Variants in KCNIP4 observed in about 807,000 individuals in gnomAD.
KCNIP4 encodes Kv channel-interacting protein 4.
In KCNIP4, 12 loss-of-function variants were observed where a neutral mutation model predicts 34.0. The ratio of observed to expected loss-of-function variants is 0.35; its 90% CI spans 0.23 to 0.57. The LOEUF (loss-of-function observed/expected upper bound fraction) is 0.57. KCNIP4 is among the 20% of genes least tolerant of loss of function. The probability of loss-of-function intolerance (pLI) is 0.83; values close to 1 mark genes in which losing one functional copy is unlikely to be tolerated. For missense variants in KCNIP4, 238 were observed against 311.7 expected, an observed-to-expected ratio of 0.76 and a Z score of 1.78; for synonymous variants, 124 against 102.2, an observed-to-expected ratio of 1.21 and a Z score of -1.29.
chr4:20,743,048 A>G (rs1052525031), intron 5 of KCNIP4, among the ~76,000 whole-genome samples: 1 of 151,890 alleles, frequency 6.6e-6, no homozygotes, highest in Non-Finnish European at 1.5e-5. Context: ...GGACCCTTAT[A>G]AGGGTGTGAA....
At chr4:21,376,366 G>A (rs930215992) in intron 1 of KCNIP4, among the ~76,000 whole-genome samples, 2 of 149,330 alleles carry the variant, frequency 1.3e-5, no homozygotes, top group South Asian at 2.2e-4. Context: ...ATCTGGATCC[G>A]AGATTTGGAT....
intron 1 of KCNIP4, among the ~76,000 whole-genome samples, chr4:20,978,848 AATTG>A (rs1292993455): frequency 6.6e-6 from 1 of 152,110 alleles, no homozygotes; most frequent in African/African-American, 2.4e-5. Context: ...AACTATCTTT[AATTG>A]ATCTCTATAT....
chr4:21,019,240 C>T (rs1033828494), intron 1 of KCNIP4, among the ~76,000 whole-genome samples: 10 of 152,264 alleles, frequency 6.6e-5, no homozygotes, highest in African/African-American at 2.2e-4. Context: ...AATGCAACCT[C>T]CACCTCCCTG....
intron 1 of KCNIP4, among the ~76,000 whole-genome samples, chr4:20,946,775 C>T (rs753786824): frequency 5.3e-5 from 8 of 152,146 alleles, no homozygotes; most frequent in East Asian, 3.9e-4. Flanking sequence ...TGAGTTAGTA[C>T]AGGATACCTA....
chr4:20,739,200 T>G (rs976762472), intron 5 of KCNIP4, among the ~76,000 whole-genome samples: 1 of 152,308 alleles, frequency 6.6e-6, no homozygotes, highest in East Asian at 1.9e-4. Context: ...TTCTGCAGAC[T>G]TAAACATCCC....
At chr4:21,510,542 C>T (rs1017658392) in intron 1 of KCNIP4, among the ~76,000 whole-genome samples, 4 of 151,656 alleles carry the variant, frequency 2.6e-5, no homozygotes, top group Non-Finnish European at 4.4e-5. Context: ...CCTTTTTGTT[C>T]TGATAACACA....
chr4:21,804,866 T>C (rs939621843), intron 1 of KCNIP4, among the ~76,000 whole-genome samples: 4 of 152,096 alleles, frequency 2.6e-5, no homozygotes, highest in African/African-American at 7.2e-5. Flanking sequence ...ACAAACAATA[T>C]ATTGAAACCT....
chr4:21,151,963 A>G (rs1752788719), intron 1 of KCNIP4, among the ~76,000 whole-genome samples: 1 of 152,170 alleles, frequency 6.6e-6, no homozygotes, highest in South Asian at 2.1e-4. Flanking sequence ...TAATATAAAA[A>G]CAAAATAGGC....
intron 1 of KCNIP4, chr4:21,697,694 G>C (rs1712493509): frequency 8.0e-7 from 1 of 1,244,268 alleles, no homozygotes; most frequent in Non-Finnish European, 1.0e-6. Context: ...AAGTTCTTCT[G>C]TGGCAACAGA....
chr4:21,113,809 G>A (rs139336701), intron 1 of KCNIP4, among the ~76,000 whole-genome samples: 11 of 152,218 alleles, frequency 7.2e-5, no homozygotes, highest in East Asian at 3.9e-4. Flanking sequence ...AACACAAGGC[G>A]TTTCTTGCTA....
At chr4:21,608,088 G>T (rs1476072392) in intron 1 of KCNIP4, among the ~76,000 whole-genome samples, 1 of 152,024 alleles carries the variant, frequency 6.6e-6, no homozygotes, top group Non-Finnish European at 1.5e-5. Context: ...TTATTGTTTT[G>T]TTTTTTCATG....
chr4:21,462,283 G>A (rs1729524937), intron 1 of KCNIP4, among the ~76,000 whole-genome samples: 1 of 152,112 alleles, frequency 6.6e-6, no homozygotes, highest in African/African-American at 2.4e-5. Flanking sequence ...GGTTTAATTG[G>A]ACTTACAGTT....
chr4:21,521,806 C>A (rs1735550754), intron 1 of KCNIP4, among the ~76,000 whole-genome samples: 1 of 152,046 alleles, frequency 6.6e-6, no homozygotes, highest in Admixed American at 6.6e-5. Flanking sequence ...GTAATTTCTA[C>A]CCATGCAATG....
chr4:20,811,133 G>A (rs1715697531), intron 3 of KCNIP4, among the ~76,000 whole-genome samples: 3 of 152,126 alleles, frequency 2.0e-5, no homozygotes, highest in African/African-American at 4.8e-5. Flanking sequence ...AGCCTAACTG[G>A]TCTAGTGATA....
At chr4:21,383,302 G>A (rs1008808686) in intron 1 of KCNIP4, among the ~76,000 whole-genome samples, 1 of 118,724 alleles carries the variant, frequency 8.4e-6, no homozygotes, top group Non-Finnish European at 1.9e-5. Context: ...CATTTAGCAA[G>A]TTATAAATCT....
At chr4:21,862,206 TTTGTTTCTC>T (rs1725117116) in intron 1 of KCNIP4, among the ~76,000 whole-genome samples, 3 of 152,216 alleles carry the variant, frequency 2.0e-5, no homozygotes, top group Non-Finnish European at 4.4e-5. Flanking sequence ...GCTGCTTTAC[TTTGTTTCTC>T]AGAAGGAGGT....
At position 21,738,092 on chromosome 4, in the gene KCNIP4, AAAATAAATAAATAAATAAAT is replaced by A. The variant is rs11444057; in HGVS notation, c.61+210459_61+210478del. 1.0e-3 allele frequency among the ~76,000 whole-genome samples: 144 copies of A among 142,272 alleles called. 1 individual carries two copies. The highest frequency in any genetic ancestry group is 3.2e-3 in the African/African-American group (119 of 37,334). The allele number at this position is 142,272 out of a possible 152,430, so 93.3% of individuals were successfully genotyped here. A position where few individuals can be genotyped will look rare whatever the true frequency, so the allele number is the denominator to read the frequency against. ...GGGCGACAGAGCGAGACTCCATCTCAAAATAAATAAATAAATAAATAAATAAATAAATAAATAAATAAATA... is the reference window on the plus strand; with the variant it reads ...GGGCGACAGAGCGAGACTCCATCTCAAAATAAATAAATAAATAAATAAATA... On this transcript the variant is annotated intron_variant, in intron 1 of 8. Coordinates refer to ENST00000382152, the MANE Select transcript of KCNIP4 (RefSeq NM_025221.6).
At chr4:21,319,679 T>G (rs1454113556) in intron 1 of KCNIP4, among the ~76,000 whole-genome samples, 1 of 152,152 alleles carries the variant, frequency 6.6e-6, no homozygotes, top group Non-Finnish European at 1.5e-5. Context: ...ATCCAGTATA[T>G]TCTCCTGGCC....
intron 1 of KCNIP4, among the ~76,000 whole-genome samples, chr4:21,263,063 T>C (rs1341404982): frequency 2.0e-5 from 3 of 152,184 alleles, no homozygotes; most frequent in Non-Finnish European, 4.4e-5. Flanking sequence ...ATGATGTCCA[T>C]CAAGTAGCTT....
Sources: gnomAD v4.1 joint callset for allele counts (sites outside exome capture counted in the v4.1 genomes callset) on GRCh38, gnomAD v4.1.1 for gene constraint, MANE v1.5 for transcripts, NCBI Gene and HGNC (gene_info 2026-07-23, HGNC 2026-07-21) for gene names.